Variants in TRAPPC13 observed in about 807,000 individuals in gnomAD.
TRAPPC13 encodes the protein REV7-interacting novel NHEJ regulator 1.
A neutral mutation model predicts 54.0 loss-of-function variants in TRAPPC13; 39 were observed. The observed-to-expected ratio is 0.72, with a 90% CI of 0.56 to 0.94. TRAPPC13 has a LOEUF of 0.94. TRAPPC13 is among the 40% of genes least tolerant of loss of function. The probability of loss-of-function intolerance (pLI) is 0.00; values close to 1 mark genes in which losing one functional copy is unlikely to be tolerated. For synonymous variants in TRAPPC13, 148 were observed against 167.7 expected (o/e 0.88, Z 0.91); for missense variants, 386 against 488.1 (o/e 0.79, Z 1.97).
At chr5:65,635,138 C>T (rs1755701347) in intron 1 of TRAPPC13, among the ~76,000 whole-genome samples, 163 bp from the exon 2 acceptor site, 1 of 151,974 alleles carries the variant, frequency 6.6e-6, no homozygotes, top group Non-Finnish European at 1.5e-5. Flanking sequence ...TAATAAATCA[C>T]TGATGTGTGA....
rs141779477 is a variant in TRAPPC13, at chr5:65,649,404, A to C, written c.429-1406A>C. Among the ~76,000 whole-genome samples, 397 of 152,260 alleles carry C rather than the reference A, an allele frequency of 2.6e-3. 2 individuals carry two copies. Among genetic ancestry groups the C allele is most frequent in the African/African-American group, 8.9e-3 (369 of 41,554 alleles). Reference sequence around the variant, plus strand: ...CTATGAGAACACATTAAGCATTTTTAAGGCTCTTTCACTAAAAGATTGTTA... The same window carrying C: ...CTATGAGAACACATTAAGCATTTTTCAGGCTCTTTCACTAAAAGATTGTTA... On this transcript the variant is annotated intron_variant, in intron 5 of 12. Coordinates refer to ENST00000399438, the MANE Select transcript of TRAPPC13 (RefSeq NM_024941.4).
chr5:65,630,045 A>T, intron 1 of TRAPPC13: 1 of 1,536,112 alleles, frequency 6.5e-7, no homozygotes. Flanking sequence ...AAAAAATTGC[A>T]AGATAGTTTA....
intron 1 of TRAPPC13, 115 bp downstream of exon 1, chr5:65,625,221 T>A (rs1755154633): frequency 3.3e-6 from 3 of 916,430 alleles, no homozygotes; most frequent in Non-Finnish European, 3.5e-6. Context: ...GCCCTCCTGC[T>A]CTGTCCTTTG....
chr5:65,637,547 G>A (rs1414924794), intron 3 of TRAPPC13, 149 bp from the exon 4 acceptor site: 1 of 427,232 alleles, frequency 2.3e-6, no homozygotes, highest in East Asian at 5.5e-5. Context: ...AGGAGAATGG[G>A]GTGAACATGG....
At chr5:65,654,363 G>A (rs906611553) in intron 7 of TRAPPC13, among the ~76,000 whole-genome samples, 2 of 152,028 alleles carry the variant, frequency 1.3e-5, no homozygotes, top group Non-Finnish European at 2.9e-5. Context: ...AACATTATAT[G>A]TTGACATAAT....
intron 3 of TRAPPC13, 60 bp downstream of exon 3, chr5:65,636,103 A>G (rs1380875745): frequency 8.5e-7 from 1 of 1,178,390 alleles, no homozygotes; most frequent in Non-Finnish European, 1.2e-6. Flanking sequence ...ATGTTTTCAA[A>G]ACAGAACCAT....
At chr5:65,651,861 T>G (rs935957799) in intron 6 of TRAPPC13, among the ~76,000 whole-genome samples, 29 of 117,874 alleles carry the variant, frequency 2.5e-4, no homozygotes, top group African/African-American at 9.6e-4. Flanking sequence ...TTTTTTTTTT[T>G]TTTTTTTTTT....
chr5:65,640,630 GTCTT>G (rs1755931008), intron 4 of TRAPPC13, among the ~76,000 whole-genome samples: 1 of 152,264 alleles, frequency 6.6e-6, no homozygotes, highest in Admixed American at 6.5e-5. Flanking sequence ...ATATACTTTT[GTCTT>G]TCTATGTTGT....
At chr5:65,633,059 A>T (rs1450912070) in intron 1 of TRAPPC13, among the ~76,000 whole-genome samples, 2 of 152,240 alleles carry the variant, frequency 1.3e-5, no homozygotes, top group Non-Finnish European at 2.9e-5. Context: ...CATGATAAAT[A>T]CAAGGTACCA....
chr5:65,647,686 C>A (rs568799461), intron 5 of TRAPPC13, among the ~76,000 whole-genome samples: 1 of 152,002 alleles, frequency 6.6e-6, no homozygotes, highest in Non-Finnish European at 1.5e-5. Context: ...TTCTTTCAGT[C>A]TGAGAGGCAA....
intron 4 of TRAPPC13, among the ~76,000 whole-genome samples, chr5:65,644,305 T>C (rs1756098084): frequency 1.3e-5 from 2 of 152,046 alleles, no homozygotes; most frequent in Non-Finnish European, 2.9e-5. Context: ...GCCTCCCGAG[T>C]AGCTGGGATT....
intron 8 of TRAPPC13, among the ~76,000 whole-genome samples, chr5:65,657,678 G>A (rs903556978): frequency 1.3e-5 from 2 of 151,904 alleles, no homozygotes; most frequent in Non-Finnish European, 2.9e-5. Flanking sequence ...TTACCTACTG[G>A]CAAATATTGC....
intron 1 of TRAPPC13, chr5:65,630,349 A>C: frequency 6.8e-7 from 1 of 1,476,982 alleles, no homozygotes; most frequent in East Asian, 2.5e-5. Context: ...AATGAATTCC[A>C]CTGATTGTCA....
chr5:65,633,904 ATTT>A (rs145450696), intron 1 of TRAPPC13, among the ~76,000 whole-genome samples: 5,862 of 125,880 alleles, frequency 0.047, 161 homozygotes, highest in Non-Finnish European at 0.072. Context: ...TTGCTAATTG[ATTT>A]TTTTAACTTC....
chr5:65,629,426 T>G (rs989868947), intron 1 of TRAPPC13: 2 of 1,312,098 alleles, frequency 1.5e-6, no homozygotes, highest in Non-Finnish European at 1.9e-6. Context: ...GTAGGCAGGG[T>G]ATCCCTACCA....
chr5:65,651,713 C>CT (rs1174821347), intron 6 of TRAPPC13, among the ~76,000 whole-genome samples: 1 of 109,306 alleles, frequency 9.1e-6, no homozygotes, highest in East Asian at 2.3e-4. Context: ...AAATATGATA[C>CT]TGTATATGGT....
In TRAPPC13 at chr5:65,652,485, T is replaced by G; in HGVS notation, c.502-16T>G. On this transcript the variant is annotated splice_polypyrimidine_tract_variant and intron_variant, in intron 6 of 12. Transcript: ENST00000399438. The stretch of plus-strand genomic sequence containing the variant: ...CATGATAACAATCTCCTGATTGATA[T>G]GCTTTATTTAACCAGGTTCTCAAAC... 6.3e-7 allele frequency: 1 copy of G among 1,577,686 alleles called. No homozygotes were observed. Among genetic ancestry groups the G allele is most frequent in the South Asian group, 1.1e-5 (1 of 89,990 alleles).
intron 11 of TRAPPC13, 179 bp from the exon 12 acceptor site, chr5:65,664,058 C>A: frequency 1.6e-6 from 1 of 630,890 alleles, no homozygotes; most frequent in East Asian, 2.9e-5. Flanking sequence ...GTGTGACTTC[C>A]TTTCATCTTC....
Position 65,665,278 on chromosome 5 carries a change from T to C in TRAPPC13, c.*667T>C, listed in dbSNP as rs1220698834. On this transcript the variant is annotated 3_prime_UTR_variant, in exon 13 of 13. Transcript: ENST00000399438. ...AGAAGATAGAGTTGTTTCTTAGAAC[T>C]TTGTAATATTTTGGTTAGAAATATT... is the stretch of plus-strand genomic sequence containing the variant. 2 of 152,220 alleles carry C rather than the reference T, an allele frequency of 1.3e-5. No individual in the cohort carries two copies. The highest frequency in any genetic ancestry group is 3.8e-4 in the East Asian group (2 of 5,200). The allele number at this position is 152,220 out of a possible 1,614,324, so 9.4% of individuals were successfully genotyped here. A position where few individuals can be genotyped will look rare whatever the true frequency, so the allele number is the denominator to read the frequency against.
Sources: gnomAD v4.1 joint callset for allele counts (sites outside exome capture counted in the v4.1 genomes callset) on GRCh38, gnomAD v4.1.1 for gene constraint, MANE v1.5 for transcripts, NCBI Gene and HGNC (gene_info 2026-07-23, HGNC 2026-07-21) for gene names.